Variants in WFDC11 observed in about 807,000 individuals in gnomAD.
The protein encoded by WFDC11 is WAP four-disulfide core domain 11.
WFDC11 carries 9 observed loss-of-function variants against 9.9 expected under a neutral mutation model. That is an observed-to-expected ratio of 0.91 (90% CI 0.55 to 1.58). The LOEUF is 1.58. Ranked by LOEUF, WFDC11 falls within the 40% of genes most tolerant of loss-of-function variation. The pLI is 0.00. For synonymous variants in WFDC11, 32 were observed against 33.3 expected (o/e 0.96, Z 0.13); for missense variants, 106 against 101.7 (o/e 1.04, Z -0.18).
intron 2 of WFDC11, among the ~76,000 whole-genome samples, chr20:45,658,742 T>A (rs2145619933): frequency 6.6e-6 from 1 of 152,328 alleles, no homozygotes; most frequent in East Asian, 1.9e-4. Flanking sequence ...TTTATCACAC[T>A]TTAAGTTCTG....
chr20:45,670,143 A>C (rs769871900), intron 1 of WFDC11, 35 bp downstream of exon 1: 1 of 150,716 alleles, frequency 6.6e-6, no homozygotes, highest in Non-Finnish European at 1.5e-5. Flanking sequence ...AATAACAAGT[A>C]CCAAAATTTA....
Position 45,649,247 on chromosome 20 carries a change from C to G in WFDC11, c.243+10G>C, listed in dbSNP as rs768022486. 6.2e-7 allele frequency: 1 copy of G among 1,613,878 alleles called. No individual in the cohort carries two copies. Among genetic ancestry groups the G allele is most frequent in the South Asian group, 1.1e-5 (1 of 90,988 alleles). On this transcript the variant is annotated intron_variant, in intron 4 of 4. Transcript: ENST00000324384. ...AAGATATACACCCAAGCAAACATCT[C>G]CCAACTCACGACGTTTATCCAGCAG...
rs1475109603 is a variant in WFDC11, at chr20:45,663,961, T to C, written c.-52+3127A>G. On this transcript the variant is annotated intron_variant, in intron 2 of 4. Coordinates refer to ENST00000324384, the MANE Select transcript of WFDC11 (RefSeq NM_147197.2). Reference sequence around the variant, plus strand: ...AGGTCTGCTTGGTGCAGAGCTGAGTTCAAGTCCTGGATATCCTTGTTAACC... The same window carrying C: ...AGGTCTGCTTGGTGCAGAGCTGAGTCCAAGTCCTGGATATCCTTGTTAACC... Among the ~76,000 whole-genome samples, 10 of 152,200 alleles carry C rather than the reference T, an allele frequency of 6.6e-5. No homozygotes were observed. The East Asian group carries it at 1.9e-3, about 29-fold the overall frequency.
chr20:45,662,031 T>G (rs750707243), intron 2 of WFDC11, among the ~76,000 whole-genome samples: 41 of 152,194 alleles, frequency 2.7e-4, no homozygotes, highest in Non-Finnish European at 5.6e-4. Flanking sequence ...TTCATGATAT[T>G]GATTCTTCCT....
chr20:45,655,110 G>A (rs544404068), intron 2 of WFDC11, among the ~76,000 whole-genome samples: 8 of 152,186 alleles, frequency 5.3e-5, no homozygotes, highest in African/African-American at 1.7e-4. Flanking sequence ...GATACCAAAG[G>A]CTGGCAGAGA....
intron 2 of WFDC11, among the ~76,000 whole-genome samples, 183 bp from the exon 3 acceptor site, chr20:45,650,834 T>C (rs1982790849): frequency 6.6e-6 from 1 of 152,222 alleles, no homozygotes; most frequent in South Asian, 2.1e-4. Context: ...ACCTCATGTT[T>C]TCCTTTTGCT....
intron 1 of WFDC11, 113 bp from the exon 2 acceptor site, chr20:45,667,282 AG>A (rs1983205754): frequency 6.6e-6 from 1 of 152,232 alleles, no homozygotes; most frequent in Non-Finnish European, 1.5e-5. Flanking sequence ...GGGTACATAT[AG>A]AACATTGTCC....
At chr20:45,648,930 G>C (rs145065436) in intron 4 of WFDC11, among the ~76,000 whole-genome samples, 191 bp from the exon 5 acceptor site, 5 of 152,332 alleles carry the variant, frequency 3.3e-5, no homozygotes, top group African/African-American at 1.2e-4. Context: ...GGGCCTGGCT[G>C]AGCCAAATGG....
rs563487124 is a variant in WFDC11 at position 45,653,346 on chromosome 20, A to G, written c.-51-2695T>C. On this transcript the variant is annotated intron_variant, in intron 2 of 4. Transcript: ENST00000324384. ...CCAAACTAAGCTTCATAAGTGAAGG[A>G]GAAATAAAATACTTTATAGACAAGC... 5.5e-3 allele frequency among the ~76,000 whole-genome samples: 839 copies of G among 152,324 alleles called. 6 individuals are homozygous for G. Among genetic ancestry groups the G allele is most frequent in the African/African-American group, 0.019 (805 of 41,562 alleles).
At chr20:45,662,067 ATTTG>A (rs769032418) in intron 2 of WFDC11, among the ~76,000 whole-genome samples, 1,564 of 152,116 alleles carry the variant, frequency 0.01, 28 homozygotes, top group African/African-American at 0.035. Flanking sequence ...ATGTTCTTCC[ATTTG>A]TTTGTATCTT....
intron 2 of WFDC11, among the ~76,000 whole-genome samples, chr20:45,660,227 T>C (rs1983026625): frequency 6.6e-6 from 1 of 152,154 alleles, no homozygotes; most frequent in Non-Finnish European, 1.5e-5. Context: ...CTATTGTTGT[T>C]AAGTTCGAAT....
chr20:45,649,603 C>A, intron 3 of WFDC11, among the ~76,000 whole-genome samples: 1 of 152,220 alleles, frequency 6.6e-6, no homozygotes, highest in East Asian at 1.9e-4. Flanking sequence ...ATTGCATCTT[C>A]ACTGACTTCT....
At chr20:45,648,798 A>C (rs1439322919) in intron 4 of WFDC11, 59 bp from the exon 5 acceptor site, 3 of 1,540,754 alleles carry the variant, frequency 1.9e-6, no homozygotes, top group Non-Finnish European at 2.7e-6. Context: ...ACAAGCATTC[A>C]TTCCCCCTGC....
chr20:45,658,914 C>T (rs559448056), intron 2 of WFDC11, among the ~76,000 whole-genome samples: 17 of 151,394 alleles, frequency 1.1e-4, no homozygotes, highest in African/African-American at 3.4e-4. Context: ...CCCACCCCCC[C>T]GTCCATGTGT....
chr20:45,653,427 G>A (rs1982854545), intron 2 of WFDC11, among the ~76,000 whole-genome samples: 1 of 151,894 alleles, frequency 6.6e-6, no homozygotes, highest in Non-Finnish European at 1.5e-5. Flanking sequence ...AGCTCCTGAA[G>A]GAAGCACTAA....
Position 45,648,741 on chromosome 20 carries a change from T to C in WFDC11, c.244-2A>G, listed in dbSNP as rs1568660265. 1 of 1,614,126 alleles carries C rather than the reference T, an allele frequency of 6.2e-7. No individual in the cohort carries two copies. Among genetic ancestry groups the C allele is most frequent in the Non-Finnish European group, 8.5e-7 (1 of 1,179,970 alleles). On this transcript the variant is annotated splice_acceptor_variant, in intron 4 of 4. Coordinates refer to ENST00000324384, the MANE Select transcript of WFDC11 (RefSeq NM_147197.2). LOFTEE classifies it high-confidence loss of function. ...GTTTTAGTAATCTCCACTGGTTTCC[T>C]GTAAAACAAAAAGGTTAGATTTTTA...
At chr20:45,661,700 T>A (rs540318123) in intron 2 of WFDC11, among the ~76,000 whole-genome samples, 9 of 152,288 alleles carry the variant, frequency 5.9e-5, no homozygotes, top group Admixed American at 5.9e-4. Flanking sequence ...CTTGTTTTTC[T>A]CAGGTTTGTC....
chr20:45,650,911 A>C (rs6073831), intron 2 of WFDC11, among the ~76,000 whole-genome samples: 1 of 152,066 alleles, frequency 6.6e-6, no homozygotes, highest in Non-Finnish European at 1.5e-5. Context: ...TTACAAAAAA[A>C]TTTTTTTAAA....
chr20:45,653,317 C>G (rs1247717500), intron 2 of WFDC11, among the ~76,000 whole-genome samples: 50 of 152,020 alleles, frequency 3.3e-4, no homozygotes, highest in Admixed American at 3.2e-3. Context: ...AATTTCATAT[C>G]CAGCCAAACT....
Sources: gnomAD v4.1 joint callset for allele counts (sites outside exome capture counted in the v4.1 genomes callset) on GRCh38, gnomAD v4.1.1 for gene constraint, MANE v1.5 for transcripts, NCBI Gene and HGNC (gene_info 2026-07-23, HGNC 2026-07-21) for gene names.